RMST: variants seen among roughly 807,000 people sequenced by gnomAD.
RMST encodes the protein rhabdomyosarcoma 2 associated transcript, also known as long intergenic non-protein coding RNA 54.
chr12:97,522,114 T>C (rs1285005564), intron 10 of RMST, among the ~76,000 whole-genome samples: 1 of 152,248 alleles, frequency 6.6e-6, no homozygotes, highest in East Asian at 1.9e-4. Context: ...TTCCATGCTT[T>C]CTTGTGATTT....
At chr12:97,477,857 T>G (rs982821924) in intron 5 of RMST, among the ~76,000 whole-genome samples, 6 of 152,224 alleles carry the variant, frequency 3.9e-5, no homozygotes, top group Admixed American at 3.9e-4. Flanking sequence ...AGTTCCCCTC[T>G]GCCAGTTCTT....
At chr12:97,504,779 T>C (rs770402516) in intron 10 of RMST, among the ~76,000 whole-genome samples, 28 of 152,222 alleles carry the variant, frequency 1.8e-4, no homozygotes, top group Non-Finnish European at 3.4e-4. Flanking sequence ...CTAATGCATA[T>C]GGTTTCAGAC....
chr12:97,488,138 C>T (rs964831649), intron 5 of RMST, among the ~76,000 whole-genome samples: 4 of 152,140 alleles, frequency 2.6e-5, no homozygotes, highest in African/African-American at 4.8e-5. Flanking sequence ...TAATCCAGCG[C>T]TTTGGGAGGC....
At chr12:97,507,696 C>G (rs1294089578) in intron 10 of RMST, among the ~76,000 whole-genome samples, 2 of 147,654 alleles carry the variant, frequency 1.4e-5, no homozygotes, top group East Asian at 4.0e-4. Context: ...GTAATATGAA[C>G]ATGGAACTCA....
chr12:97,532,645 GTTTTTTTT>G (rs34556876), intron 11 of RMST: 4 of 98,376 alleles, frequency 4.1e-5, no homozygotes, highest in African/African-American at 1.6e-4. Flanking sequence ...CTGATGTCCC[GTTTTTTTT>G]TTTTTTTTTT....
intron 11 of RMST, among the ~76,000 whole-genome samples, chr12:97,545,768 G>C (rs1882882947): frequency 6.6e-6 from 1 of 152,040 alleles, no homozygotes; most frequent in Non-Finnish European, 1.5e-5. Context: ...AAAATCCTAG[G>C]GATGAGCAAG....
intron 5 of RMST, among the ~76,000 whole-genome samples, chr12:97,482,876 A>G (rs900377093): frequency 6.7e-6 from 1 of 150,280 alleles, no homozygotes; most frequent in African/African-American, 2.4e-5. Flanking sequence ...ATTAGTGCAG[A>G]GGAACCCAGA....
chr12:97,522,865 C>T (rs1880660022), intron 10 of RMST, among the ~76,000 whole-genome samples: 1 of 152,058 alleles, frequency 6.6e-6, no homozygotes, highest in African/African-American at 2.4e-5. Context: ...CTCTAATAAG[C>T]TTTTGCGTGG....
intron 11 of RMST, chr12:97,532,854 A>G (rs1371291793): frequency 3.3e-5 from 5 of 151,744 alleles, no homozygotes; most frequent in Non-Finnish European, 7.4e-5. Context: ...TTGGGGCTGT[A>G]GCAATTTTAT....
At chr12:97,534,700 A>G (rs941252271) in intron 11 of RMST, among the ~76,000 whole-genome samples, 22 of 151,744 alleles carry the variant, frequency 1.4e-4, no homozygotes, top group African/African-American at 5.3e-4. Context: ...TTTGTTTTCT[A>G]TCAATCGGTT....
chr12:97,519,384 T>C (rs1463941989), intron 10 of RMST, among the ~76,000 whole-genome samples: 1 of 152,222 alleles, frequency 6.6e-6, no homozygotes, highest in African/African-American at 2.4e-5. Context: ...ATTTCATTGC[T>C]ATCTCTTCAA....
At chr12:97,486,546 G>A (rs1435553168) in intron 5 of RMST, among the ~76,000 whole-genome samples, 1 of 152,168 alleles carries the variant, frequency 6.6e-6, no homozygotes, top group South Asian at 2.1e-4. Context: ...GATACTGAAT[G>A]TAAATTTCGA....
chr12:97,530,048 G>A (rs1189804135), intron 10 of RMST, among the ~76,000 whole-genome samples: 1 of 152,056 alleles, frequency 6.6e-6, no homozygotes, highest in Non-Finnish European at 1.5e-5. Flanking sequence ...GGGATAGATG[G>A]AGATAATTTC....
chr12:97,527,321 C>T (rs913355875), intron 10 of RMST, among the ~76,000 whole-genome samples: 3 of 152,120 alleles, frequency 2.0e-5, no homozygotes, highest in Non-Finnish European at 2.9e-5. Context: ...CCAACTGCTT[C>T]AACCGTTAAA....
At chr12:97,541,012 G>A (rs1210033925) in intron 11 of RMST, among the ~76,000 whole-genome samples, 1 of 146,436 alleles carries the variant, frequency 6.8e-6, no homozygotes, top group Admixed American at 6.8e-5. Context: ...TGTCCCAGGT[G>A]TATATATATA....
chr12:97,505,501 T>A (rs1478888066), intron 10 of RMST, among the ~76,000 whole-genome samples: 1 of 152,258 alleles, frequency 6.6e-6, no homozygotes, highest in Non-Finnish European at 1.5e-5. Context: ...CAGTAATGAA[T>A]TCTCACTGTG....
At position 97,497,919 on chromosome 12, in the gene RMST, C is replaced by T. The variant is rs146876006; in HGVS notation, n.1340+1863C>T. The stretch of plus-strand genomic sequence containing the variant: ...GCTGTACCATTTCTCTCTAATGTGA[C>T]GTAAAGTTAATAGACCCCTTGAACA... On this transcript the variant is annotated intron_variant and non_coding_transcript_variant, in intron 10 of 13. Coordinates refer to ENST00000640149, the Ensembl canonical transcript of RMST. Among the ~76,000 whole-genome samples, 968 of 152,086 alleles carry T rather than the reference C, an allele frequency of 6.4e-3. 5 individuals carry two copies. The highest frequency in any genetic ancestry group is 0.022 in the African/African-American group (899 of 41,482).
At chr12:97,508,848 G>A (rs7136352) in intron 10 of RMST, among the ~76,000 whole-genome samples, 127,531 of 152,168 alleles carry the variant, frequency 0.84, 53,951 homozygotes, top group African/African-American at 0.94. Context: ...GAAACTAGAC[G>A]GTCAAGAATT....
chr12:97,551,233 C>A (rs1883288330), intron 11 of RMST, among the ~76,000 whole-genome samples: 2 of 150,108 alleles, frequency 1.3e-5, no homozygotes, highest in Non-Finnish European at 3.0e-5. Context: ...CCTTAGTCCT[C>A]TTGGTAATTG....
Sources: gnomAD v4.1 joint callset for allele counts (sites outside exome capture counted in the v4.1 genomes callset) on GRCh38, gnomAD v4.1.1 for gene constraint, MANE v1.5 for transcripts, NCBI Gene and HGNC (gene_info 2026-07-23, HGNC 2026-07-21) for gene names.